SGCZ: variants seen among roughly 807,000 people sequenced by gnomAD.
SGCZ encodes sarcoglycan zeta, also known as zeta-sarcoglycan.
A neutral mutation model predicts 41.3 loss-of-function variants in SGCZ; 40 were observed. The observed-to-expected ratio is 0.97, with a 90% CI of 0.75 to 1.26. The LOEUF is 1.26. SGCZ is among the 50% of genes most tolerant of loss of function. SGCZ has a pLI of 0.00. For synonymous variants in SGCZ, 206 were observed against 137.5 expected (o/e 1.50, Z -3.49); for missense variants, 552 against 369.8 (o/e 1.49, Z -4.04).
chr8:14,388,994 A>G (rs1203199813), intron 2 of SGCZ, among the ~76,000 whole-genome samples: 1 of 152,036 alleles, frequency 6.6e-6, no homozygotes, highest in Non-Finnish European at 1.5e-5. Flanking sequence ...ACAGACAAGA[A>G]AAAAGCATAA....
intron 6 of SGCZ, among the ~76,000 whole-genome samples, chr8:14,105,701 T>C (rs1315977107): frequency 6.6e-6 from 1 of 152,082 alleles, no homozygotes; most frequent in African/African-American, 2.4e-5. Flanking sequence ...TAGTGCAATG[T>C]TTACATAATG....
At chr8:15,153,265 T>A (rs529819152) in intron 1 of SGCZ, among the ~76,000 whole-genome samples, 1 of 152,284 alleles carries the variant, frequency 6.6e-6, no homozygotes, top group African/African-American at 2.4e-5. Flanking sequence ...AACATAAAAC[T>A]TTTGAGCTGC....
intron 1 of SGCZ, among the ~76,000 whole-genome samples, chr8:14,832,109 CCTT>C (rs1231292127): frequency 6.6e-6 from 1 of 152,042 alleles, no homozygotes; most frequent in African/African-American, 2.4e-5. Context: ...AATAGCAATG[CCTT>C]CTTAAGTCAC....
chr8:15,039,544 T>C (rs1451188986), intron 1 of SGCZ, among the ~76,000 whole-genome samples: 2 of 152,152 alleles, frequency 1.3e-5, no homozygotes, highest in South Asian at 4.1e-4. Context: ...AAGAAATCTA[T>C]TGGACAATAT....
At chr8:14,617,315 T>G (rs1018087733) in intron 1 of SGCZ, among the ~76,000 whole-genome samples, 1 of 152,210 alleles carries the variant, frequency 6.6e-6, no homozygotes, top group African/African-American at 2.4e-5. Context: ...TGATAATATG[T>G]GCAACATTAG....
At chr8:14,491,319 T>C (rs1249256863) in intron 2 of SGCZ, among the ~76,000 whole-genome samples, 1 of 137,270 alleles carries the variant, frequency 7.3e-6, no homozygotes, top group Non-Finnish European at 1.5e-5. Context: ...ACACATAAAA[T>C]ACTCTACAGG....
At chr8:14,531,072 A>G (rs1803115009) in intron 2 of SGCZ, among the ~76,000 whole-genome samples, 1 of 152,006 alleles carries the variant, frequency 6.6e-6, no homozygotes, top group Non-Finnish European at 1.5e-5. Flanking sequence ...CATGGACCAG[A>G]CTGAGAACTT....
intron 2 of SGCZ, among the ~76,000 whole-genome samples, chr8:14,347,705 AT>A (rs1403649798): frequency 1.3e-5 from 2 of 151,968 alleles, no homozygotes; most frequent in African/African-American, 4.8e-5. Flanking sequence ...TTATTTATTT[AT>A]TTAAAATACT....
Position 15,108,727 on chromosome 8 carries a change from A to T in SGCZ, c.39+128858T>A, listed in dbSNP as rs73205457. On this transcript the variant is annotated intron_variant, in intron 1 of 7. Coordinates refer to ENST00000382080, the MANE Select transcript of SGCZ (RefSeq NM_139167.4). The stretch of plus-strand genomic sequence containing the variant: ...TCGAAGATATTTGAAAATTAAAAGA[A>T]TGAATAGAAATCATTATTAATATGT... 3.4e-3 allele frequency among the ~76,000 whole-genome samples: 525 copies of T among 152,326 alleles called. 4 individuals are homozygous for T. Among genetic ancestry groups the T allele is most frequent in the Non-Finnish European group, 3.6e-3 (243 of 68,018 alleles).
At chr8:14,473,053 C>T (rs1275879974) in intron 2 of SGCZ, among the ~76,000 whole-genome samples, 2 of 152,004 alleles carry the variant, frequency 1.3e-5, no homozygotes, top group Non-Finnish European at 2.9e-5. Flanking sequence ...CTTGCTAATT[C>T]TGAATGATAC....
At chr8:14,276,023 C>G (rs942695403) in intron 3 of SGCZ, among the ~76,000 whole-genome samples, 15 of 152,182 alleles carry the variant, frequency 9.9e-5, no homozygotes, top group Admixed American at 3.3e-4. Flanking sequence ...ATCACCTTCT[C>G]CAGATAAAGC....
At chr8:14,096,860 C>T (rs542775039) in intron 7 of SGCZ, among the ~76,000 whole-genome samples, 7 of 152,174 alleles carry the variant, frequency 4.6e-5, no homozygotes, top group African/African-American at 1.7e-4. Context: ...GGAATTTATC[C>T]ATTTCTTCTA....
At chr8:14,785,238 T>C (rs961438953) in intron 1 of SGCZ, among the ~76,000 whole-genome samples, 24 of 151,788 alleles carry the variant, frequency 1.6e-4, no homozygotes, top group African/African-American at 5.6e-4. Flanking sequence ...ACAATATTTC[T>C]ACTATCAGAA....
intron 2 of SGCZ, among the ~76,000 whole-genome samples, chr8:14,514,954 A>C (rs529577518): frequency 8.6e-5 from 13 of 151,864 alleles, no homozygotes; most frequent in Non-Finnish European, 1.3e-4. Context: ...TTTCAAGTGA[A>C]CAGCATCCAA....
At chr8:14,646,319 T>C (rs1378364411) in intron 1 of SGCZ, among the ~76,000 whole-genome samples, 1 of 152,002 alleles carries the variant, frequency 6.6e-6, no homozygotes, top group East Asian at 1.9e-4. Context: ...TTTCTGTTCA[T>C]GCATTAATTC....
At chr8:14,842,843 C>T (rs1031859935) in intron 1 of SGCZ, among the ~76,000 whole-genome samples, 11 of 152,114 alleles carry the variant, frequency 7.2e-5, no homozygotes, top group Non-Finnish European at 1.2e-4. Flanking sequence ...GCATTGAAAA[C>T]GGGATGCTCC....
chr8:14,190,367 A>G lies in SGCZ; in HGVS notation c.425-25665T>C, dbSNP rs182477496. Among the ~76,000 whole-genome samples, 74 of 150,862 alleles carry G rather than the reference A, an allele frequency of 4.9e-4. 2 individuals carry two copies. The highest frequency in any genetic ancestry group is 1.6e-3 in the African/African-American group (66 of 41,126). ...TATCCCATTATGTATGTATGTATGTATGTGTGTGTGTGTGTATATATATAT... is the reference window on the plus strand; with the variant it reads ...TATCCCATTATGTATGTATGTATGTGTGTGTGTGTGTGTGTATATATATAT... On this transcript the variant is annotated intron_variant, in intron 4 of 7. Coordinates refer to ENST00000382080, the MANE Select transcript of SGCZ (RefSeq NM_139167.4).
At chr8:14,847,126 A>AAGAAGAAAGAAGAAG (rs761276429) in intron 1 of SGCZ, among the ~76,000 whole-genome samples, 4 of 126,362 alleles carry the variant, frequency 3.2e-5, no homozygotes, top group Non-Finnish European at 4.9e-5. Flanking sequence ...GAAGAAGAAG[A>AAGAAGAAAGAAGAAG]AAGAAGAAGA....
At chr8:14,760,131 A>G (rs1366713874) in intron 1 of SGCZ, among the ~76,000 whole-genome samples, 3 of 152,296 alleles carry the variant, frequency 2.0e-5, no homozygotes, top group African/African-American at 7.2e-5. Flanking sequence ...GCGTTTCAAC[A>G]TTTCATACTT....
Sources: gnomAD v4.1 joint callset for allele counts (sites outside exome capture counted in the v4.1 genomes callset) on GRCh38, gnomAD v4.1.1 for gene constraint, MANE v1.5 for transcripts, NCBI Gene and HGNC (gene_info 2026-07-23, HGNC 2026-07-21) for gene names.